The following MS4A14 variants were observed in gnomAD, a reference collection of about 807,000 sequenced individuals.
MS4A14 encodes the protein membrane-spanning 4-domains subfamily A member 14.
Under a neutral mutation model 16.7 loss-of-function variants are expected in MS4A14, and 18 were observed. The observed-to-expected ratio is 1.08, with a 90% CI of 0.75 to 1.60. The LOEUF (loss-of-function observed/expected upper bound fraction) is 1.60, where lower values mean the gene tolerates loss of function less well. MS4A14 is among the 40% of genes most tolerant of loss of function. The pLI is 0.00. For synonymous variants in MS4A14, 305 were observed against 289.4 expected, an observed-to-expected ratio of 1.05 and a Z score of -0.55; for missense variants, 812 against 775.3, an observed-to-expected ratio of 1.05 and a Z score of -0.56.
Position 60,396,670 on chromosome 11 carries a change from A to G in MS4A14, c.92A>G (p.His31Arg). 6.2e-7 allele frequency: 1 copy of G among 1,613,584 alleles called. No individual in the cohort carries two copies. Among genetic ancestry groups the G allele is most frequent in the Non-Finnish European group, 8.5e-7 (1 of 1,179,602 alleles). Reference sequence around the variant, plus strand: ...TTGACTGCATTTCCCTACAGACCTCATAGCTCTCTGCTGGATTTTCTGAAG... The same window carrying G: ...TTGACTGCATTTCCCTACAGACCTCGTAGCTCTCTGCTGGATTTTCTGAAG... ...TVLTAFPYRP[H>R]SSLLDFLKGE... Residue 31 changes from histidine (H) to arginine (R), a missense_variant, in exon 1 of 5, where the codon CAT becomes CGT. Coordinates refer to ENST00000300187, the MANE Select transcript of MS4A14 (RefSeq NM_032597.5).
At chr11:60,401,088 C>T (rs1565174028) in intron 3 of MS4A14, among the ~76,000 whole-genome samples, 1 of 152,066 alleles carries the variant, frequency 6.6e-6, no homozygotes, top group Non-Finnish European at 1.5e-5. Flanking sequence ...GGCTATCACT[C>T]ACTTCTGTGT....
intron 1 of MS4A14, among the ~76,000 whole-genome samples, chr11:60,397,580 CT>C (rs2085645468): frequency 6.6e-6 from 1 of 151,952 alleles, no homozygotes; most frequent in Non-Finnish European, 1.5e-5. Context: ...TCAAATCTGT[CT>C]GATATAAGAT....
rs532540660 is a variant in MS4A14, at chr11:60,416,352, T to A, written c.1384T>A (p.Ser462Thr). 3 of 1,613,896 alleles carry A rather than the reference T, an allele frequency of 1.9e-6. No individual in the cohort carries two copies. The South Asian group carries it at 3.3e-5, about 18-fold the overall frequency. Residue 462 changes from serine to threonine, a missense_variant, in exon 5 of 5, where the codon TCA becomes ACA. Coordinates refer to ENST00000300187, the MANE Select transcript of MS4A14 (RefSeq NM_032597.5). ...ACAAATGTCATATCAAGATATTAGATCAGAAGTTATGGAAGAGACCAAAGA... is the reference window on the plus strand; with the variant it reads ...ACAAATGTCATATCAAGATATTAGAACAGAAGTTATGGAAGAGACCAAAGA... ...ILQMSYQDIR[S>T]EVMEETKEWK...
At position 60,416,593 on chromosome 11, in the gene MS4A14, C is replaced by G. The variant is rs763947362; in HGVS notation, c.1625C>G (p.Ser542Cys). 6.2e-7 allele frequency: 1 copy of G among 1,613,818 alleles called. No individual in the cohort carries two copies. The highest frequency in any genetic ancestry group is 1.1e-5 in the South Asian group (1 of 91,070). ...SLDQQIKDWLSPKRHSVDKQA... is the reference protein window; with the variant it reads ...SLDQQIKDWLCPKRHSVDKQA... ...GACCAGCAAATCAAAGACTGGCTAT[C>G]CCCAAAGAGGCACTCCGTAGATAAG... The change falls in exon 5 of 5, where the codon TCC (serine) becomes TGC (cysteine). Residue 542 changes from serine (S) to cysteine (C), a missense_variant. By Grantham distance (112) the Ser-to-Cys change is moderately radical. Coordinates refer to ENST00000300187, the MANE Select transcript of MS4A14 (RefSeq NM_032597.5).
intron 4 of MS4A14, 52 bp downstream of exon 4, chr11:60,403,113 GTCCA>G (rs758513450): frequency 6.5e-7 from 1 of 1,550,246 alleles, no homozygotes; most frequent in Non-Finnish European, 8.9e-7. Context: ...TCTGAACTGT[GTCCA>G]TGATGTAATG....
chr11:60,397,786 G>T (rs1347187870), intron 1 of MS4A14, 66 bp from the exon 2 acceptor site: 3 of 1,549,970 alleles, frequency 1.9e-6, no homozygotes, highest in Non-Finnish European at 2.6e-6. Context: ...ACACCCTGAG[G>T]GACGTGGGGT....
rs2085652823 is a variant in MS4A14 at position 60,397,898 on chromosome 11, T to C, written c.185T>C (p.Ile62Thr). 2 of 1,613,464 alleles carry C rather than the reference T, an allele frequency of 1.2e-6. No homozygotes were observed. The highest frequency in any genetic ancestry group is 1.7e-6 in the Non-Finnish European group (2 of 1,179,492). The change falls in exon 2 of 5, where the codon ATA (isoleucine) becomes ACA (threonine). Residue 62 changes from isoleucine (I) to threonine (T), a missense_variant. By Grantham distance (89) the Ile-to-Thr change is moderately conservative. Coordinates refer to ENST00000300187, the MANE Select transcript of MS4A14 (RefSeq NM_032597.5). ...CTAATCATTGTGGGCTTTGGAACTA[T>C]ATTTGCACTTAATTACATCGGTTTC... is the stretch of plus-strand genomic sequence containing the variant. ...LALIIVGFGT[I>T]FALNYIGFSQ...
intron 4 of MS4A14, among the ~76,000 whole-genome samples, chr11:60,414,231 G>A (rs1434852655): frequency 6.6e-6 from 1 of 152,008 alleles, no homozygotes; most frequent in Admixed American, 6.6e-5. Context: ...ATGAAACAAA[G>A]TTTGAGGATT....
At chr11:60,403,640 G>GAA (rs2085746983) in intron 4 of MS4A14, among the ~76,000 whole-genome samples, 1 of 152,136 alleles carries the variant, frequency 6.6e-6, no homozygotes, top group African/African-American at 2.4e-5. Flanking sequence ...CTTTTACCAG[G>GAA]AAATGTAGTT....
In MS4A14 at chr11:60,403,004, G is replaced by A. The variant is rs745845886; in HGVS notation, c.411G>A (p.Lys137=). Residue 137 remains lysine (K), a synonymous_variant, in exon 4 of 5, where the codon AAG becomes AAA. Coordinates refer to ENST00000300187, the MANE Select transcript of MS4A14 (RefSeq NM_032597.5). ...TTCTCAGCTACAGACATCAAGACAA[G>A]TACTGCCAGATGCCATCCTTTGAAG... ...FTILSYRHQD[K]YCQMPSFEEI... 6.2e-7 allele frequency: 1 copy of A among 1,613,884 alleles called. No homozygotes were observed. Among genetic ancestry groups the A allele is most frequent in the East Asian group, 2.2e-5 (1 of 44,868 alleles).
chr11:60,416,813 A>G lies in MS4A14; in HGVS notation c.1845A>G (p.Lys615=). ...QTEDQPAQEK[K]SPKGQFQNVQ... Reference sequence around the variant, plus strand: ...AAGACCAGCCGGCCCAAGAGAAGAAATCCCCGAAAGGACAATTCCAAAATG... The same window carrying G: ...AAGACCAGCCGGCCCAAGAGAAGAAGTCCCCGAAAGGACAATTCCAAAATG... Residue 615 remains lysine (K), a synonymous_variant, in exon 5 of 5, where the codon AAA becomes AAG. Coordinates refer to ENST00000300187, the MANE Select transcript of MS4A14 (RefSeq NM_032597.5). 1 of 1,613,692 alleles carries G rather than the reference A, an allele frequency of 6.2e-7. No individual in the cohort carries two copies. Among genetic ancestry groups the G allele is most frequent in the Non-Finnish European group, 8.5e-7 (1 of 1,179,834 alleles).
intron 3 of MS4A14, among the ~76,000 whole-genome samples, chr11:60,401,703 C>G (rs2085715862): frequency 6.6e-6 from 1 of 152,126 alleles, no homozygotes; most frequent in Non-Finnish European, 1.5e-5. Flanking sequence ...TGGGCATGTT[C>G]TTTGTAAAGC....
chr11:60,397,939 C>T lies in MS4A14; in HGVS notation c.226C>T (p.Leu76Phe), dbSNP rs1438371148. 3 of 1,613,604 alleles carry T rather than the reference C, an allele frequency of 1.9e-6. No homozygotes were observed. Among genetic ancestry groups the T allele is most frequent in the East Asian group, 2.2e-5 (1 of 44,846 alleles). The change falls in exon 2 of 5, where the codon CTT (leucine) becomes TTT (phenylalanine). Residue 76 changes from leucine to phenylalanine, a missense_variant. Leu to Phe is a conservative substitution (Grantham distance 22). Coordinates refer to ENST00000300187, the MANE Select transcript of MS4A14 (RefSeq NM_032597.5). ...NYIGFSQRLP[L>F]VVLTGYPFWG... ...CATCGGTTTCTCCCAAAGACTTCCC[C>T]TTGTTGTCCTCACAGGATATCCATT... is the stretch of plus-strand genomic sequence containing the variant.
intron 2 of MS4A14, 177 bp downstream of exon 2, chr11:60,398,157 A>T: frequency 1.8e-6 from 1 of 547,432 alleles, no homozygotes; most frequent in Non-Finnish European, 3.1e-6. Flanking sequence ...TCATCATTGT[A>T]ATAACTACTC....
Position 60,416,320 on chromosome 11 carries a change from A to G in MS4A14, c.1352A>G (p.Gln451Arg), listed in dbSNP as rs3802959. 9.4e-5 allele frequency: 151 copies of G among 1,614,022 alleles called. No individual in the cohort carries two copies. In the East Asian group the frequency reaches 3.4e-3, roughly 36 times the overall value. ...QPENTEPQNQQILQMSYQDIR... is the reference protein window; with the variant it reads ...QPENTEPQNQRILQMSYQDIR... Reference sequence around the variant, plus strand: ...GAAAACACTGAACCTCAAAACCAGCAAATTTTACAAATGTCATATCAAGAT... The same window carrying G: ...GAAAACACTGAACCTCAAAACCAGCGAATTTTACAAATGTCATATCAAGAT... Residue 451 changes from glutamine to arginine, a missense_variant, in exon 5 of 5, where the codon CAA (glutamine) becomes CGA (arginine). By Grantham distance (43) the Gln-to-Arg change is conservative. Coordinates refer to ENST00000300187, the MANE Select transcript of MS4A14 (RefSeq NM_032597.5).
At chr11:60,405,239 C>T (rs1480441419) in intron 4 of MS4A14, among the ~76,000 whole-genome samples, 4 of 152,078 alleles carry the variant, frequency 2.6e-5, no homozygotes, top group Non-Finnish European at 5.9e-5. Context: ...ACCACCAGGC[C>T]CAGCTAATTT....
chr11:60,400,981 A>G (rs2085705206), intron 3 of MS4A14, among the ~76,000 whole-genome samples: 1 of 152,142 alleles, frequency 6.6e-6, no homozygotes, highest in South Asian at 2.1e-4. Flanking sequence ...TCCTAGCCCT[A>G]TCTCCAATAC....
rs981161236 is a variant in MS4A14 at position 60,416,490 on chromosome 11, A to G, written c.1522A>G (p.Lys508Glu). ...LRRHSLDVQA[K>E]GQKSSKRHSL... is the part of the protein sequence containing the mutation. The stretch of plus-strand genomic sequence containing the variant: ...GAGACATTCTTTAGACGTGCAAGCC[A>G]AAGGCCAGAAATCCTCAAAGAGGCA... Residue 508 changes from lysine (K) to glutamate (E), a missense_variant, in exon 5 of 5, where the codon AAA becomes GAA. By Grantham distance (56) the Lys-to-Glu change is moderately conservative. Coordinates refer to ENST00000300187, the MANE Select transcript of MS4A14 (RefSeq NM_032597.5). The G allele has an allele frequency of 6.2e-7, 1 of 1,613,956 alleles. No individual in the cohort carries two copies. The highest frequency in any genetic ancestry group is 1.7e-5 in the Admixed American group (1 of 59,980).
intron 4 of MS4A14, among the ~76,000 whole-genome samples, chr11:60,414,739 C>T (rs1805777952): frequency 6.6e-6 from 1 of 152,070 alleles, no homozygotes; most frequent in Non-Finnish European, 1.5e-5. Context: ...TACCATCTGC[C>T]ATCACACCAT....
Sources: allele counts gnomAD v4.1 joint callset (sites outside exome capture counted in the v4.1 genomes callset), GRCh38; gene constraint gnomAD v4.1.1; transcripts MANE v1.5; gene names NCBI Gene and HGNC (gene_info 2026-07-23, HGNC 2026-07-21).